DOT1L: variants seen among roughly 807,000 people sequenced by gnomAD.
DOT1L encodes DOT1 like histone lysine methyltransferase.
DOT1L carries 33 observed loss-of-function variants against 153.3 expected under a neutral mutation model. The ratio of observed to expected loss-of-function variants is 0.22; its 90% CI spans 0.16 to 0.29. The LOEUF (loss-of-function observed/expected upper bound fraction) is 0.29, where lower values mean the gene tolerates loss of function less well. Among genes scored for constraint, DOT1L ranks in the 10% least tolerant of loss-of-function variants. The pLI is 1.00. For synonymous variants in DOT1L, 1,135 were observed against 965.1 expected (o/e 1.18, Z -3.26); for missense variants, 1,847 against 2,119.9 (o/e 0.87, Z 2.53).
At chr19:2,194,613 G>C in intron 7 of DOT1L, 36 bp downstream of exon 7, 1 of 1,598,496 alleles carries the variant, frequency 6.3e-7, no homozygotes. Context: ...TCCCATCGCC[G>C]GCCCCACCCC....
rs182174397 is a variant in DOT1L, at chr19:2,190,043, G to A, written c.264+248G>A. ...TGTGTGCTGAGGCAGGGCCCTGAGG[G>A]TTGTGGTGTCTGCACACGCCTCTGC... On this transcript the variant is annotated intron_variant, in intron 4 of 27. Transcript: ENST00000398665. The surrounding 1 kb of genome is among the most constrained non-coding windows in gnomAD (Gnocchi z 4.8). 6.6e-6 allele frequency among the ~76,000 whole-genome samples: 1 copy of A among 152,152 alleles called. No individual in the cohort carries two copies. The highest frequency in any genetic ancestry group is 2.4e-5 in the African/African-American group (1 of 41,426).
intron 3 of DOT1L, among the ~76,000 whole-genome samples, chr19:2,186,155 G>C (rs912780490): frequency 3.3e-5 from 5 of 152,268 alleles, no homozygotes; most frequent in African/African-American, 1.2e-4. Flanking sequence ...TCCGGTTGTG[G>C]AAAGTGGGAT....
chr19:2,229,317 CT>C (rs1265959739), intron 27 of DOT1L: 6 of 985,478 alleles, frequency 6.1e-6, no homozygotes. Context: ...CTGCTTGCCC[CT>C]GGCCTTCTGC....
rs2144932712 is a variant in DOT1L at position 2,226,555 on chromosome 19, C to G, written c.4034C>G (p.Ala1345Gly). 6.2e-7 allele frequency: 1 copy of G among 1,600,328 alleles called. No individual in the cohort carries two copies. The highest frequency in any genetic ancestry group is 8.5e-7 in the Non-Finnish European group (1 of 1,179,022). The part of the protein sequence containing the change: ...ASLPHKGPEA[A>G]GLSSPLSFPS... The stretch of plus-strand genomic sequence containing the variant: ...CTTCCCCACAAGGGCCCCGAGGCGG[C>G]CGGCCTGAGCTCCCCGCTGAGCTTC... Residue 1345 changes from alanine to glycine, a missense_variant, in exon 27 of 28, where the codon GCC becomes GGC. Physicochemically the swap from Ala to Gly is moderately conservative, Grantham distance 60. Around this residue, in one of 8 missense-constraint regions of DOT1L, gnomAD observed 934 missense variants for 825.3 expected, o/e 1.13. Coordinates refer to ENST00000398665, the MANE Select transcript of DOT1L (RefSeq NM_032482.3).
Position 2,216,483 on chromosome 19 carries a change from C to T in DOT1L, c.2126C>T (p.Pro709Leu), listed in dbSNP as rs372258317. 33 of 1,612,662 alleles carry T rather than the reference C, an allele frequency of 2.0e-5. No homozygotes were observed. Among genetic ancestry groups the T allele is most frequent in the Non-Finnish European group, 2.5e-5 (30 of 1,179,952 alleles). ...CTGCCTCACTTGAGCAGCATGAGCC[C>T]GGAGCTCTCCATGAACGGCCAGGCT... ...FSLPHLSSMS[P>L]ELSMNGQAAG... The change falls in exon 20 of 28, where the codon CCG becomes CTG. Residue 709 changes from proline (P) to leucine (L), a missense_variant. Physicochemically the swap from Pro to Leu is moderately conservative, Grantham distance 98. Around this residue, in one of 8 missense-constraint regions of DOT1L, gnomAD observed 281 missense variants for 263.6 expected, o/e 1.07. Coordinates refer to ENST00000398665, the MANE Select transcript of DOT1L (RefSeq NM_032482.3).
intron 9 of DOT1L, among the ~76,000 whole-genome samples, chr19:2,203,872 G>A (rs538418722): frequency 5.3e-5 from 8 of 152,320 alleles, no homozygotes; most frequent in South Asian, 2.1e-4. Flanking sequence ...GTATCCTGGC[G>A]GACGTGGCTT....
chr19:2,185,768 C>T (rs192725478), intron 2 of DOT1L, 87 bp from the exon 3 acceptor site: 3 of 1,490,380 alleles, frequency 2.0e-6, no homozygotes, highest in East Asian at 4.6e-5. Context: ...GACTCCGTCT[C>T]AAAACAAAAA....
At position 2,164,222 on chromosome 19, in the gene DOT1L, T is replaced by C. The variant is rs2144620300; in HGVS notation, c.38T>C (p.Val13Ala). ...EKLELRLKSP[V>A]GAEPAVYPWP... ...CTGGAGCTGAGACTGAAGTCGCCCG[T>C]GGGGGCTGAGCCCGCCGTCTACCCG... The change falls in exon 1 of 28, where the codon GTG becomes GCG. Residue 13 changes from valine to alanine, a missense_variant. Physicochemically the swap from Val to Ala is moderately conservative, Grantham distance 64. Around this residue, in one of 8 missense-constraint regions of DOT1L, gnomAD observed 37 missense variants for 31.0 expected, o/e 1.19. Transcript: ENST00000398665. The C allele has an allele frequency of 6.3e-6, 8 of 1,276,966 alleles. No individual in the cohort carries two copies. The highest frequency in any genetic ancestry group is 6.9e-6 in the Non-Finnish European group (7 of 1,008,808). The allele number at this position is 1,276,966 out of a possible 1,614,324, so 79.1% of individuals were successfully genotyped here. A position where few individuals can be genotyped will look rare whatever the true frequency, so the allele number is the denominator to read the frequency against.
intron 2 of DOT1L, among the ~76,000 whole-genome samples, chr19:2,185,192 C>T (rs1249342183): frequency 6.6e-6 from 1 of 152,170 alleles, no homozygotes; most frequent in Non-Finnish European, 1.5e-5. Flanking sequence ...GTGTGAGCCA[C>T]CGCACCCGGC....
chr19:2,211,824 G>T lies in DOT1L; in HGVS notation c.1539G>T (p.Glu513Asp). The T allele has an allele frequency of 6.4e-7, 1 of 1,570,116 alleles. No homozygotes were observed. Reference protein sequence around the residue: ...KTPQYKASLQELLGQEKEKNA... With the variant: ...KTPQYKASLQDLLGQEKEKNA... ...CCCAGTACAAGGCCAGCCTGCAGGA[G>T]CTGCTGGGCCAGGAGAAGGTGGGTC... Residue 513 changes from glutamate (E) to aspartate (D), a missense_variant, in exon 16 of 28, where the codon GAG (glutamate) becomes GAT (aspartate). Coordinates refer to ENST00000398665, the MANE Select transcript of DOT1L (RefSeq NM_032482.3).
Position 2,226,554 on chromosome 19 carries a change from G to A in DOT1L, c.4033G>A (p.Ala1345Thr), listed in dbSNP as rs1441629454. ...ASLPHKGPEA[A>T]GLSSPLSFPS... ...TCTTCCCCACAAGGGCCCCGAGGCG[G>A]CCGGCCTGAGCTCCCCGCTGAGCTT... Residue 1345 changes from alanine to threonine, a missense_variant, in exon 27 of 28, where the codon GCC (alanine) becomes ACC (threonine). Ala to Thr is a moderately conservative substitution (Grantham distance 58, BLOSUM62 0). Transcript: ENST00000398665. 6.2e-7 allele frequency: 1 copy of A among 1,600,176 alleles called. No individual in the cohort carries two copies. Among genetic ancestry groups the A allele is most frequent in the Non-Finnish European group, 8.5e-7 (1 of 1,179,036 alleles).
intron 8 of DOT1L, 111 bp from the exon 9 acceptor site, chr19:2,202,588 CG>C: frequency 9.5e-7 from 1 of 1,056,794 alleles, no homozygotes; most frequent in East Asian, 2.5e-5. Context: ...CTGGAGGTGG[CG>C]GGCGGGTGTG....
intron 9 of DOT1L, among the ~76,000 whole-genome samples, chr19:2,205,353 CT>C (rs1211858326): frequency 2.6e-5 from 4 of 152,218 alleles, no homozygotes; most frequent in African/African-American, 9.7e-5. Context: ...AGTTCGGCTC[CT>C]GACACCAAGT....
Position 2,221,138 on chromosome 19 carries a change from C to T in DOT1L, c.2807-838C>T, listed in dbSNP as rs185156031. On this transcript the variant is annotated intron_variant, in intron 23 of 27. Transcript: ENST00000398665. The stretch of plus-strand genomic sequence containing the variant: ...GTTGCAGTGAGCTGAGATCGCACCA[C>T]TGCACTCCCGCCTGGGCAAAAAGAG... 5.5e-3 allele frequency: 844 copies of T among 154,496 alleles called. 11 individuals are homozygous for T. Among genetic ancestry groups the T allele is most frequent in the African/African-American group, 0.019 (794 of 41,598 alleles). 9.6% of individuals were successfully genotyped at this position (154,496 alleles called of 1,614,324 possible). A position where few individuals can be genotyped will look rare whatever the true frequency, so the allele number is the denominator to read the frequency against.
intron 1 of DOT1L, among the ~76,000 whole-genome samples, chr19:2,174,633 T>C (rs928642629): frequency 6.6e-6 from 1 of 152,160 alleles, no homozygotes; most frequent in African/African-American, 2.4e-5. Flanking sequence ...TTTTTTTCTT[T>C]TTTTAGAGAT....
At chr19:2,170,775 A>C (rs897496347) in intron 1 of DOT1L, among the ~76,000 whole-genome samples, 1 of 151,998 alleles carries the variant, frequency 6.6e-6, no homozygotes, top group African/African-American at 2.4e-5. Flanking sequence ...TTGGTTAATG[A>C]TAAAGGACGA....
At chr19:2,175,961 C>A (rs2021909611) in intron 1 of DOT1L, among the ~76,000 whole-genome samples, 1 of 152,156 alleles carries the variant, frequency 6.6e-6, no homozygotes, top group Non-Finnish European at 1.5e-5. Context: ...GGAGTACGAA[C>A]CCAACCGTGC....
chr19:2,217,373 A>G lies in DOT1L; in HGVS notation c.2544+283A>G, dbSNP rs1412897202. ...AAGTGCTGGTAGAGACACAGAGCCC[A>G]GTTTGGGAGGCCGCTGCCCATGAGG... On this transcript the variant is annotated intron_variant, in intron 21 of 27. Coordinates refer to ENST00000398665, the MANE Select transcript of DOT1L (RefSeq NM_032482.3). The surrounding 1 kb of genome is among the most constrained non-coding windows in gnomAD (Gnocchi z 7.3). Among the ~76,000 whole-genome samples the G allele has an allele frequency of 6.6e-6, 1 of 151,998 alleles. No individual in the cohort carries two copies. The highest frequency in any genetic ancestry group is 1.5e-5 in the Non-Finnish European group (1 of 67,960).
At position 2,164,174 on chromosome 19, in the gene DOT1L, C is replaced by T; in HGVS notation, c.-11C>T. The T allele has an allele frequency of 3.3e-6, 4 of 1,200,082 alleles. No homozygotes were observed. The highest frequency in any genetic ancestry group is 3.1e-6 in the Non-Finnish European group (3 of 966,298). 74.3% of individuals were successfully genotyped at this position (1,200,082 alleles called of 1,614,324 possible). A position where few individuals can be genotyped will look rare whatever the true frequency, so the allele number is the denominator to read the frequency against. Reference sequence around the variant, plus strand: ...CCCGCCTAGCATGGTGCGGCGGCCGCGCGCGCGGACATGGGGGAGAAGCTG... The same window carrying T: ...CCCGCCTAGCATGGTGCGGCGGCCGTGCGCGCGGACATGGGGGAGAAGCTG... On this transcript the variant is annotated 5_prime_UTR_variant, in exon 1 of 28. Transcript: ENST00000398665.
Sources: allele counts gnomAD v4.1 joint callset (sites outside exome capture counted in the v4.1 genomes callset), GRCh38; gene constraint gnomAD v4.1.1; regional missense constraint gnomAD v4.1.1; non-coding constraint Gnocchi (gnomAD v3.1); transcripts MANE v1.5; gene names NCBI Gene and HGNC (gene_info 2026-07-23, HGNC 2026-07-21).